Variants in CSF2RA observed in about 807,000 individuals in gnomAD.
CSF2RA encodes granulocyte-macrophage colony-stimulating factor receptor subunit alpha.
A neutral mutation model predicts 51.6 loss-of-function variants in CSF2RA; 42 were observed. The observed-to-expected ratio is 0.81, with a 90% CI of 0.64 to 1.05. The LOEUF is 1.05. CSF2RA is among the 50% of genes least tolerant of loss of function. The pLI is 0.00. For missense variants in CSF2RA, 530 were observed against 501.1 expected, an observed-to-expected ratio of 1.06 and a Z score of -0.55; for synonymous variants, 222 against 193.0, an observed-to-expected ratio of 1.15 and a Z score of -1.24.
At chrX:1,279,853 G>A (rs1344169165) in intron 2 of CSF2RA, among the ~76,000 whole-genome samples, 1 of 151,568 alleles carries the variant, frequency 6.6e-6, no homozygotes, top group African/African-American at 2.4e-5. Context: ...GCAGTGGCGC[G>A]ATCTCGGCTC....
chrX:1,302,061 C>T (rs1383666758), intron 10 of CSF2RA, among the ~76,000 whole-genome samples: 28 of 151,068 alleles, frequency 1.9e-4, no homozygotes, highest in African/African-American at 5.8e-4. Flanking sequence ...GGATTACAGG[C>T]GCCCGCCACC....
chrX:1,278,014 T>C (rs2089425610), intron 2 of CSF2RA, among the ~76,000 whole-genome samples: 1 of 144,034 alleles, frequency 6.9e-6, no homozygotes, highest in African/African-American at 2.6e-5. Flanking sequence ...AGCAAGTTTA[T>C]TATGAAAGTA....
At chrX:1,314,327 C>T (rs866217951), downstream of CSF2RA, among the ~76,000 whole-genome samples, 61 of 132,414 alleles carry the variant, frequency 4.6e-4, no homozygotes, top group African/African-American at 1.4e-3. Flanking sequence ...CCACACTGCA[C>T]CTGCCCAACC....
chrX:1,309,354 AGGCT>A, intron 12 of CSF2RA, 44 bp from the exon 13 acceptor site: 1 of 1,571,830 alleles, frequency 6.4e-7, no homozygotes, highest in Admixed American at 1.7e-5. Context: ...ACTGAGTCCC[AGGCT>A]GAGCTCGTGA....
At chrX:1,287,474 C>T (rs1176510214) in intron 4 of CSF2RA, among the ~76,000 whole-genome samples, 1 of 147,894 alleles carries the variant, frequency 6.8e-6, no homozygotes, top group African/African-American at 2.5e-5. Context: ...GATGGAGTCT[C>T]GCTCTGTCGC....
At chrX:1,284,799 G>T (rs1416493763) in intron 3 of CSF2RA, among the ~76,000 whole-genome samples, 1 of 151,742 alleles carries the variant, frequency 6.6e-6, no homozygotes, top group Non-Finnish European at 1.5e-5. Flanking sequence ...TGAGTAGCTG[G>T]GATTACAGGT....
At chrX:1,277,372 C>T (rs1205431176) in intron 2 of CSF2RA, among the ~76,000 whole-genome samples, 28 of 150,648 alleles carry the variant, frequency 1.9e-4, no homozygotes, top group East Asian at 3.9e-4. Context: ...CAGAGGCGGG[C>T]GGATCACGAG....
chrX:1,306,344 A>G (rs1160862247), intron 12 of CSF2RA, among the ~76,000 whole-genome samples: 4 of 151,768 alleles, frequency 2.6e-5, no homozygotes, highest in Admixed American at 6.6e-5. Flanking sequence ...GATAAACAAC[A>G]AACATAAAGA....
At chrX:1,275,153 G>A (rs1367234202) in intron 2 of CSF2RA, among the ~76,000 whole-genome samples, 3 of 151,748 alleles carry the variant, frequency 2.0e-5, no homozygotes, top group African/African-American at 4.8e-5. Context: ...AGCACTGTGG[G>A]AGGCTGAGGC....
At chrX:1,291,536 C>T (rs1211830060) in intron 7 of CSF2RA, among the ~76,000 whole-genome samples, 18 of 152,132 alleles carry the variant, frequency 1.2e-4, no homozygotes, top group African/African-American at 3.6e-4. Flanking sequence ...ACACGCTCTC[C>T]TCTTCCCAAG....
At chrX:1,286,076 C>T (rs1208130346) in intron 4 of CSF2RA, among the ~76,000 whole-genome samples, 156 bp downstream of exon 4, 1 of 152,018 alleles carries the variant, frequency 6.6e-6, no homozygotes, top group Non-Finnish European at 1.5e-5. Context: ...AGTTCAAGAC[C>T]AGCCTGACCA....
chrX:1,295,504 G>A (rs372756302), intron 9 of CSF2RA, 48 bp downstream of exon 9: 319 of 1,552,804 alleles, frequency 2.1e-4, no homozygotes, highest in African/African-American at 4.0e-4. Flanking sequence ...GTAACCCTAC[G>A]GTCCCCTACT....
At chrX:1,300,761 C>T in intron 10 of CSF2RA, 135 bp downstream of exon 10, 1 of 1,149,154 alleles carries the variant, frequency 8.7e-7, no homozygotes, top group South Asian at 1.3e-5. Flanking sequence ...AGGCTCTGAG[C>T]TTATCGCTGA....
downstream of CSF2RA, among the ~76,000 whole-genome samples, chrX:1,311,011 G>A (rs1376561920): frequency 2.0e-5 from 3 of 152,060 alleles, no homozygotes; most frequent in African/African-American, 7.2e-5. Context: ...ACTTTGGGAG[G>A]CCGAGGCTGG....
downstream of CSF2RA, among the ~76,000 whole-genome samples, chrX:1,314,898 C>T (rs867469356): frequency 1.5e-4 from 10 of 64,628 alleles, no homozygotes; most frequent in African/African-American, 4.3e-4. Context: ...CACACTGAAC[C>T]TGCTCAACCC....
In CSF2RA at chrX:1,304,695, G is replaced by C. The variant is rs773188884; in HGVS notation, c.1043+676G>C. On this transcript the variant is annotated intron_variant, in intron 11 of 12. Coordinates refer to ENST00000381529, the MANE Select transcript of CSF2RA (RefSeq NM_172245.4). ...GTTTTTTGTTTTGAGACAGACTTTT[G>C]CTCTTGTTGCCCAGGCTGGAGTGCA... Among the ~76,000 whole-genome samples, 18 of 151,480 alleles carry C rather than the reference G, an allele frequency of 1.2e-4. No individual in the cohort carries two copies. In the South Asian group the frequency reaches 1.9e-3, roughly 16 times the overall value.
chrX:1,314,460 C>T (rs375075850), downstream of CSF2RA, among the ~76,000 whole-genome samples: 178 of 145,112 alleles, frequency 1.2e-3, 3 homozygotes, highest in African/African-American at 3.8e-3. Context: ...TTGCACTGCA[C>T]CTGCCCAACC....
intron 12 of CSF2RA, 98 bp from the exon 13 acceptor site, chrX:1,309,304 G>T: frequency 1.6e-6 from 2 of 1,275,376 alleles, no homozygotes; most frequent in South Asian, 2.4e-5. Context: ...AATAGAATGA[G>T]ACTCCGTCTC....
chrX:1,304,955 A>G (rs1282985242), intron 11 of CSF2RA, among the ~76,000 whole-genome samples: 4 of 141,224 alleles, frequency 2.8e-5, no homozygotes, highest in African/African-American at 5.3e-5. Context: ...GTGAGCCACC[A>G]TGCCTGGCCT....
Sources: gnomAD v4.1 joint callset for allele counts (sites outside exome capture counted in the v4.1 genomes callset) on GRCh38, gnomAD v4.1.1 for gene constraint, MANE v1.5 for transcripts, NCBI Gene and HGNC (gene_info 2026-07-23, HGNC 2026-07-21) for gene names.